IMPA1: variants seen among roughly 807,000 people sequenced by gnomAD.
IMPA1 encodes D-galactose 1-phosphate phosphatase.
Under a neutral mutation model 34.9 loss-of-function variants are expected in IMPA1, and 21 were observed. The observed-to-expected ratio is 0.60, with a 90% confidence interval of 0.43 to 0.87. The LOEUF is 0.87. Among genes scored for constraint, IMPA1 ranks in the 40% least tolerant of loss-of-function variants. IMPA1 has a pLI of 0.00. For missense variants in IMPA1, 299 were observed against 336.4 expected (o/e 0.89, Z 0.87); for synonymous variants, 95 against 104.4 (o/e 0.91, Z 0.55).
intron 7 of IMPA1, among the ~76,000 whole-genome samples, chr8:81,662,785 TATG>T (rs1255817011): frequency 2.0e-5 from 3 of 152,228 alleles, no homozygotes; most frequent in African/African-American, 7.2e-5. Flanking sequence ...TAGCTTTTTT[TATG>T]ATAAAATTGT....
chr8:81,670,365 GA>G (rs145778944), intron 7 of IMPA1, among the ~76,000 whole-genome samples: 1 of 149,418 alleles, frequency 6.7e-6, no homozygotes, highest in Non-Finnish European at 1.5e-5. Flanking sequence ...AATCAAAAAG[GA>G]AAAAAAAGGA....
At chr8:81,679,885 C>G (rs1458734800) in intron 3 of IMPA1, among the ~76,000 whole-genome samples, 1 of 151,974 alleles carries the variant, frequency 6.6e-6, no homozygotes, top group African/African-American at 2.4e-5. Flanking sequence ...GTCTGTAATC[C>G]TAACACTTTG....
chr8:81,680,033 G>C (rs1807247317), intron 3 of IMPA1, among the ~76,000 whole-genome samples: 1 of 151,824 alleles, frequency 6.6e-6, no homozygotes, highest in Admixed American at 6.6e-5. Context: ...TACTCAGGAG[G>C]CTGAGGCAGG....
intron 6 of IMPA1, among the ~76,000 whole-genome samples, chr8:81,673,205 A>G (rs1022257941): frequency 1.3e-5 from 2 of 152,246 alleles, no homozygotes; most frequent in African/African-American, 2.4e-5. Context: ...AGAGAAAGTC[A>G]TCCCTCTGCT....
chr8:81,674,089 A>AT (rs1386009287), intron 5 of IMPA1, 140 bp from the exon 6 acceptor site: 8 of 585,294 alleles, frequency 1.4e-5, no homozygotes, highest in Admixed American at 1.2e-4. Flanking sequence ...TTAAAATGTT[A>AT]ATTTCCAGAC....
chr8:81,676,165 A>C, intron 5 of IMPA1, 69 bp downstream of exon 5: 1 of 630,182 alleles, frequency 1.6e-6, no homozygotes, highest in Non-Finnish European at 2.6e-6. Context: ...TTATTATGAA[A>C]ACACATTTAC....
intron 5 of IMPA1, among the ~76,000 whole-genome samples, chr8:81,675,809 GTC>G (rs1350842720): frequency 6.6e-6 from 1 of 152,190 alleles, no homozygotes; most frequent in African/African-American, 2.4e-5. Context: ...CCTAAAGAGA[GTC>G]TGTATTTTCC....
At chr8:81,674,240 C>T (rs1303842856) in intron 5 of IMPA1, 2 of 285,080 alleles carry the variant, frequency 7.0e-6, no homozygotes, top group African/African-American at 4.3e-5. Context: ...AACGCTTCTC[C>T]GGTGTTAGGA....
intron 5 of IMPA1, among the ~76,000 whole-genome samples, chr8:81,675,823 A>G (rs1437376993): frequency 6.6e-6 from 1 of 152,150 alleles, no homozygotes. Context: ...GTATTTTCCA[A>G]CCATGCTTTG....
Position 81,676,267 on chromosome 8 carries a change from T to C in IMPA1, c.315A>G (p.Val105=). The C allele has an allele frequency of 7.4e-7, 1 of 1,343,174 alleles. No individual in the cohort carries two copies. The highest frequency in any genetic ancestry group is 1.5e-5 in the South Asian group (1 of 67,892). The allele number at this position is 1,343,174 out of a possible 1,614,324, so 83.2% of individuals were successfully genotyped here. The change falls in exon 5 of 9, where the codon GTA becomes GTG. Residue 105 remains valine, a synonymous_variant. Transcript: ENST00000256108. ...TTNFVHRFPF[V]AVSIGFAVNK... ...TTACAGCAAAGCCAATTGAAACAGC[T>C]ACAAAAGGAAATCTTTTTTTAAAAA...
rs919251294 is a variant in IMPA1, at chr8:81,662,707, AT to A, written c.567-2041del. ...CAATTTACTTTAGACAAATGTACTA[AT>A]GACTACAGCTAATATTTGTAAAGCA... On this transcript the variant is annotated intron_variant, in intron 7 of 8. Coordinates refer to ENST00000256108, the MANE Select transcript of IMPA1 (RefSeq NM_005536.4). 1.0e-3 allele frequency among the ~76,000 whole-genome samples: 159 copies of A among 152,228 alleles called. 2 individuals are homozygous for A. The highest frequency in any genetic ancestry group is 3.8e-4 in the Non-Finnish European group (26 of 68,044).
intron 7 of IMPA1, 129 bp from the exon 8 acceptor site, chr8:81,660,796 G>A: frequency 5.8e-6 from 3 of 520,180 alleles, no homozygotes; most frequent in Non-Finnish European, 9.8e-6. Context: ...ATTTTAAGAG[G>A]TGATATCTAA....
At chr8:81,679,799 A>G (rs2130315047) in intron 3 of IMPA1, among the ~76,000 whole-genome samples, 1 of 152,276 alleles carries the variant, frequency 6.6e-6, no homozygotes, top group South Asian at 2.1e-4. Flanking sequence ...GTGTGCACAC[A>G]CACATTTGCG....
intron 7 of IMPA1, among the ~76,000 whole-genome samples, chr8:81,670,074 T>A (rs1317673550): frequency 6.6e-6 from 1 of 152,180 alleles, no homozygotes. Context: ...TGAGCCTCTA[T>A]AACTGAAAGA....
chr8:81,679,836 T>A (rs1807240467), intron 3 of IMPA1, among the ~76,000 whole-genome samples: 1 of 152,086 alleles, frequency 6.6e-6, no homozygotes. Context: ...TAAGGAAATG[T>A]AATGATTTTA....
chr8:81,684,629 A>AAGTATCTTTAGATATATATATCT (rs1807435735), intron 1 of IMPA1, among the ~76,000 whole-genome samples: 3 of 109,614 alleles, frequency 2.7e-5, no homozygotes, highest in African/African-American at 1.0e-4. Flanking sequence ...TACTACACAT[A>AAGTATCTTTAGATATATATATCT]AGTATATATA....
intron 5 of IMPA1, 41 bp from the exon 6 acceptor site, chr8:81,673,990 G>A (rs1807064905): frequency 8.4e-7 from 1 of 1,191,482 alleles, no homozygotes; most frequent in Non-Finnish European, 1.3e-6. Flanking sequence ...ACCTAAGTAT[G>A]TTTCATCCAC....
At position 81,660,665 on chromosome 8, in the gene IMPA1, A is replaced by T; in HGVS notation, c.569T>A (p.Ile190Asn). 1 of 1,596,902 alleles carries T rather than the reference A, an allele frequency of 6.3e-7. No individual in the cohort carries two copies. The highest frequency in any genetic ancestry group is 8.5e-7 in the Non-Finnish European group (1 of 1,169,846). ...EKLFCIPVHGIRSVGTAAVNM... is the reference protein window; with the variant it reads ...EKLFCIPVHGNRSVGTAAVNM... Reference sequence around the variant, plus strand: ...AACAGCTGCTGTTCCAACACTCCGGATCCTAACAAATAGAATTTAGAAATA... The same window carrying T: ...AACAGCTGCTGTTCCAACACTCCGGTTCCTAACAAATAGAATTTAGAAATA... The change falls in exon 8 of 9, where the codon ATC (isoleucine) becomes AAC (asparagine). Residue 190 changes from isoleucine to asparagine, a missense_variant and splice_region_variant. Ile to Asn is a moderately radical substitution (Grantham distance 149, BLOSUM62 -3). Coordinates refer to ENST00000256108, the MANE Select transcript of IMPA1 (RefSeq NM_005536.4).
At chr8:81,672,582 C>T (rs536638113) in intron 6 of IMPA1, among the ~76,000 whole-genome samples, 1 of 152,266 alleles carries the variant, frequency 6.6e-6, no homozygotes, top group African/African-American at 2.4e-5. Flanking sequence ...CCAGTGTGTC[C>T]CTTTTTCTTT....
Sources: allele counts gnomAD v4.1 joint callset (sites outside exome capture counted in the v4.1 genomes callset), GRCh38; gene constraint gnomAD v4.1.1; transcripts MANE v1.5; gene names NCBI Gene and HGNC (gene_info 2026-07-23, HGNC 2026-07-21).